ATF7IP2: variants seen among roughly 807,000 people sequenced by gnomAD.
ATF7IP2 encodes the protein activating transcription factor 7 interacting protein 2, also known as activating transcription factor 7-interacting protein 2.
Under a neutral mutation model 64.2 loss-of-function variants are expected in ATF7IP2, and 42 were observed. The ratio of observed to expected loss-of-function variants is 0.65; its 90% CI spans 0.51 to 0.85. ATF7IP2 has a LOEUF of 0.85. Ranked by LOEUF, ATF7IP2 falls within the 40% of genes least tolerant of loss-of-function variation. The pLI is 0.00. For synonymous variants in ATF7IP2, 308 were observed against 272.8 expected (o/e 1.13, Z -1.27); for missense variants, 933 against 784.2 (o/e 1.19, Z -2.27).
chr16:10,435,325 G>T (rs997051887), intron 6 of ATF7IP2, among the ~76,000 whole-genome samples: 1 of 152,136 alleles, frequency 6.6e-6, no homozygotes, highest in East Asian at 1.9e-4. Flanking sequence ...GAAGAGGAAG[G>T]GTTTTTCCTT....
chr16:10,452,580 G>C (rs1295670349), intron 8 of ATF7IP2, among the ~76,000 whole-genome samples: 2 of 152,206 alleles, frequency 1.3e-5, no homozygotes, highest in Non-Finnish European at 2.9e-5. Context: ...ATACACGGGG[G>C]TCAGGGACCC....
At chr16:10,452,526 T>G (rs1422906218) in intron 8 of ATF7IP2, among the ~76,000 whole-genome samples, 3 of 152,152 alleles carry the variant, frequency 2.0e-5, no homozygotes, top group Non-Finnish European at 4.4e-5. Flanking sequence ...CTCTCTTGTA[T>G]GAGGTGTCTG....
intron 9 of ATF7IP2, chr16:10,471,827 T>A (rs1159798650): frequency 4.9e-6 from 1 of 205,392 alleles, no homozygotes; most frequent in East Asian, 1.1e-4. Flanking sequence ...TATACATTTA[T>A]GTCCATTGTA....
intron 1 of ATF7IP2, among the ~76,000 whole-genome samples, chr16:10,390,076 A>C (rs1404733088): frequency 6.6e-6 from 1 of 152,224 alleles, no homozygotes; most frequent in African/African-American, 2.4e-5. Flanking sequence ...AAAAAGAGTA[A>C]CAGTAAAAAT....
intron 1 of ATF7IP2, among the ~76,000 whole-genome samples, chr16:10,388,518 A>G (rs1308816026): frequency 6.6e-6 from 1 of 152,078 alleles, no homozygotes; most frequent in Non-Finnish European, 1.5e-5. Flanking sequence ...GAAATAGCTT[A>G]TCAGATAGCC....
At chr16:10,409,973 A>G (rs367624159) in intron 1 of ATF7IP2, among the ~76,000 whole-genome samples, 16 of 152,260 alleles carry the variant, frequency 1.1e-4, no homozygotes, top group Admixed American at 3.9e-4. Context: ...TTTGGTGACT[A>G]TGGCCTTATA....
At chr16:10,440,787 C>G (rs191375166) in intron 8 of ATF7IP2, among the ~76,000 whole-genome samples, 132 of 152,232 alleles carry the variant, frequency 8.7e-4, no homozygotes, top group Middle Eastern at 3.4e-3. Context: ...TTCTGGGGTA[C>G]ATGAGCAAAA....
At chr16:10,390,447 G>A (rs899076200) in intron 1 of ATF7IP2, among the ~76,000 whole-genome samples, 1 of 152,132 alleles carries the variant, frequency 6.6e-6, no homozygotes, top group Admixed American at 6.5e-5. Context: ...AACTAAAGTA[G>A]GGCTTAGAGG....
intron 3 of ATF7IP2, among the ~76,000 whole-genome samples, chr16:10,422,794 T>C (rs1190083251): frequency 6.6e-6 from 1 of 152,252 alleles, no homozygotes. Context: ...GTTCGTTTAG[T>C]TTCACTTTTC....
chr16:10,438,905 T>G (rs1009242447), intron 7 of ATF7IP2, among the ~76,000 whole-genome samples: 3 of 151,814 alleles, frequency 2.0e-5, no homozygotes, highest in Non-Finnish European at 4.4e-5. Flanking sequence ...ATACAAAAAT[T>G]AGTTGGGCAT....
intron 6 of ATF7IP2, 78 bp downstream of exon 6, chr16:10,433,727 A>G: frequency 6.6e-7 from 1 of 1,511,066 alleles, no homozygotes; most frequent in South Asian, 1.1e-5. Context: ...TGGTCCCCAC[A>G]GTGGCATAAT....
chr16:10,441,186 T>C (rs922780405), intron 8 of ATF7IP2, among the ~76,000 whole-genome samples: 7 of 152,246 alleles, frequency 4.6e-5, no homozygotes, highest in African/African-American at 1.7e-4. Context: ...GTCTTTGCTA[T>C]TGTAAATAGT....
chr16:10,407,613 CA>C (rs2047669919), intron 1 of ATF7IP2, among the ~76,000 whole-genome samples: 1 of 152,168 alleles, frequency 6.6e-6, no homozygotes, highest in South Asian at 2.1e-4. Flanking sequence ...AAAATAGTCT[CA>C]TTTATAATAT....
At chr16:10,397,543 G>A (rs914323032) in intron 1 of ATF7IP2, among the ~76,000 whole-genome samples, 11 of 152,188 alleles carry the variant, frequency 7.2e-5, no homozygotes, top group Middle Eastern at 3.2e-3. Context: ...CTGTGATCTT[G>A]CAGTGGCATT....
chr16:10,441,101 T>TAGTA (rs2048604751), intron 8 of ATF7IP2, among the ~76,000 whole-genome samples: 1 of 152,238 alleles, frequency 6.6e-6, no homozygotes, highest in Non-Finnish European at 1.5e-5. Context: ...TTTGGCTGCA[T>TAGTA]AGTATTCCAT....
intron 1 of ATF7IP2, among the ~76,000 whole-genome samples, chr16:10,400,904 G>A (rs111486098): frequency 2.6e-5 from 4 of 152,048 alleles, no homozygotes; most frequent in East Asian, 3.9e-4. Flanking sequence ...GGCTGGTCTC[G>A]AACTCTTAAC....
chr16:10,456,272 C>A (rs2049164595), intron 8 of ATF7IP2, among the ~76,000 whole-genome samples: 2 of 152,186 alleles, frequency 1.3e-5, no homozygotes. Context: ...TTAGGCAATT[C>A]TCAGCCTGAC....
intron 1 of ATF7IP2, among the ~76,000 whole-genome samples, chr16:10,406,192 A>T (rs960619599): frequency 1.3e-4 from 20 of 152,206 alleles, no homozygotes; most frequent in African/African-American, 4.8e-4. Flanking sequence ...CACAGCCTCG[A>T]CCTCCACAGG....
chr16:10,408,375 C>T (rs1028436805), intron 1 of ATF7IP2, among the ~76,000 whole-genome samples: 5 of 152,184 alleles, frequency 3.3e-5, no homozygotes, highest in Non-Finnish European at 7.3e-5. Context: ...ATTGCCGGGT[C>T]AAATGGTAGT....
Sources: allele counts gnomAD v4.1 joint callset (sites outside exome capture counted in the v4.1 genomes callset), GRCh38; gene constraint gnomAD v4.1.1; transcripts MANE v1.5; gene names NCBI Gene and HGNC (gene_info 2026-07-23, HGNC 2026-07-21).